Variants in ANAPC10 observed in about 807,000 individuals in gnomAD.
ANAPC10 encodes the protein anaphase promoting complex subunit 10.
Under a neutral mutation model 22.0 loss-of-function variants are expected in ANAPC10, and 12 were observed. The observed-to-expected ratio is 0.55, with a 90% confidence interval of 0.35 to 0.88. ANAPC10 has a LOEUF of 0.88. Ranked by LOEUF, ANAPC10 falls within the 40% of genes least tolerant of loss-of-function variation. ANAPC10 has a pLI of 0.01. For missense variants in ANAPC10, 188 were observed against 220.9 expected (o/e 0.85, Z 0.94); for synonymous variants, 65 against 69.5 (o/e 0.94, Z 0.32).
At chr4:145,081,417 T>C (rs1745999984) in intron 3 of ANAPC10, 2 of 300,700 alleles carry the variant, frequency 6.7e-6, no homozygotes, top group Non-Finnish European at 1.2e-5. Context: ...AAAAGTATAT[T>C]TGAGAAACAT....
At chr4:145,003,280 T>G (rs1732858221) in intron 4 of ANAPC10, among the ~76,000 whole-genome samples, 1 of 152,148 alleles carries the variant, frequency 6.6e-6, no homozygotes, top group African/African-American at 2.4e-5. Flanking sequence ...AAAAATCTAC[T>G]CTACTACTGA....
chr4:145,013,759 T>A (rs1734697377), intron 4 of ANAPC10, among the ~76,000 whole-genome samples: 1 of 151,912 alleles, frequency 6.6e-6, no homozygotes, highest in African/African-American at 2.4e-5. Context: ...AAATACTGAG[T>A]ACCCAAACTG....
rs1741813728 is a variant in ANAPC10, at chr4:145,054,876, C to T, written c.327+9696G>A. On this transcript the variant is annotated intron_variant, in intron 4 of 4. Transcript: ENST00000507656. The stretch of plus-strand genomic sequence containing the variant: ...TCTATTTTATTCATTCTACACCATT[C>T]TGTGTCTTCCCGTATCTTATAGTTG... Among the ~76,000 whole-genome samples, 3 of 152,118 alleles carry T rather than the reference C, an allele frequency of 2.0e-5. No homozygotes were observed. The South Asian group carries it at 6.2e-4, about 31-fold the overall frequency.
At chr4:145,055,222 T>C (rs1741871934) in intron 4 of ANAPC10, among the ~76,000 whole-genome samples, 1 of 151,402 alleles carries the variant, frequency 6.6e-6, no homozygotes, top group Admixed American at 6.6e-5. Context: ...ATAAGCAAAA[T>C]GAAATACATA....
rs114364376 is a variant in ANAPC10, at chr4:145,055,800, T to C, written c.327+8772A>G. Among the ~76,000 whole-genome samples the C allele has an allele frequency of 4.4e-3, 667 of 152,202 alleles. 3 individuals are homozygous for C. The highest frequency in any genetic ancestry group is 0.015 in the African/African-American group (613 of 41,504). Reference sequence around the variant, plus strand: ...GTTATTTAATGACTATGATTTTTGGTTTTGAAAGACAAAAAAGTTCTGGAA... The same window carrying C: ...GTTATTTAATGACTATGATTTTTGGCTTTGAAAGACAAAAAAGTTCTGGAA... On this transcript the variant is annotated intron_variant, in intron 4 of 4. Transcript: ENST00000507656.
intron 4 of ANAPC10, among the ~76,000 whole-genome samples, chr4:145,026,926 T>TACATATATATATAC (rs1174680882): frequency 3.7e-5 from 1 of 26,928 alleles, no homozygotes; most frequent in Non-Finnish European, 6.8e-5. Flanking sequence ...CATACATATA[T>TACATATATATATAC]ATATATATAT....
intron 2 of ANAPC10, among the ~76,000 whole-genome samples, chr4:145,095,190 T>C (rs1579187931): frequency 6.6e-6 from 1 of 152,244 alleles, no homozygotes; most frequent in African/African-American, 2.4e-5. Flanking sequence ...TGTACAGTAG[T>C]ATCTTTATCT....
intron 4 of ANAPC10, among the ~76,000 whole-genome samples, chr4:145,030,388 A>G (rs938091009): frequency 1.4e-4 from 21 of 152,210 alleles, no homozygotes; most frequent in Non-Finnish European, 3.1e-4. Context: ...TCCTTCCCCA[A>G]GAAGACCTCT....
At chr4:145,071,633 C>G (rs971177485) in intron 3 of ANAPC10, among the ~76,000 whole-genome samples, 1 of 152,044 alleles carries the variant, frequency 6.6e-6, no homozygotes, top group African/African-American at 2.4e-5. Context: ...TCTCAAGAAA[C>G]TGGGAAAAGG....
At chr4:145,024,448 G>A (rs932167742) in intron 4 of ANAPC10, among the ~76,000 whole-genome samples, 5 of 152,178 alleles carry the variant, frequency 3.3e-5, no homozygotes, top group African/African-American at 1.2e-4. Flanking sequence ...AGAATTGAAA[G>A]TTAAAATAAC....
chr4:145,036,947 A>G (rs1440528375), intron 4 of ANAPC10, among the ~76,000 whole-genome samples: 1 of 151,892 alleles, frequency 6.6e-6, no homozygotes, highest in African/African-American at 2.4e-5. Flanking sequence ...GGTTTGTGAC[A>G]GGAACTGAGA....
At chr4:145,054,652 C>CGT (rs1162223999) in intron 4 of ANAPC10, among the ~76,000 whole-genome samples, 21 of 143,774 alleles carry the variant, frequency 1.5e-4, no homozygotes, top group South Asian at 6.6e-4. Flanking sequence ...CGCGCGCGCG[C>CGT]GCGTGCGTGC....
chr4:145,067,921 T>A (rs1212347034), intron 3 of ANAPC10, among the ~76,000 whole-genome samples: 1 of 152,230 alleles, frequency 6.6e-6, no homozygotes, highest in African/African-American at 2.4e-5. Context: ...AAAGAAAGTT[T>A]CTTTAAAAGA....
At chr4:145,015,977 GA>G (rs1461846194) in intron 4 of ANAPC10, among the ~76,000 whole-genome samples, 2 of 152,044 alleles carry the variant, frequency 1.3e-5, no homozygotes, top group African/African-American at 4.8e-5. Flanking sequence ...CATCAAAACA[GA>G]ACCTCTTTAA....
At chr4:145,094,723 A>G (rs928251915) in intron 2 of ANAPC10, among the ~76,000 whole-genome samples, 13 of 152,144 alleles carry the variant, frequency 8.5e-5, no homozygotes, top group Non-Finnish European at 1.9e-4. Context: ...GTGAGAAAAG[A>G]TATCTGGCAA....
chr4:145,086,252 C>T (rs1746878948), intron 2 of ANAPC10, among the ~76,000 whole-genome samples: 1 of 152,066 alleles, frequency 6.6e-6, no homozygotes, highest in South Asian at 2.1e-4. Context: ...CATGAGCCAC[C>T]GTGTCCGGCC....
Position 144,995,612 on chromosome 4 carries a change from G to C in ANAPC10, c.328-9C>G. 6.4e-7 allele frequency: 1 copy of C among 1,566,578 alleles called. No homozygotes were observed. The highest frequency in any genetic ancestry group is 8.7e-7 in the Non-Finnish European group (1 of 1,152,710). Reference sequence around the variant, plus strand: ...TCCACCAACTCAAGTTGCTGCCAAGGGAAAAAAAATCAGATTATGCTTTTA... The same window carrying C: ...TCCACCAACTCAAGTTGCTGCCAAGCGAAAAAAAATCAGATTATGCTTTTA... On this transcript the variant is annotated splice_polypyrimidine_tract_variant and intron_variant, in intron 4 of 4. Coordinates refer to ENST00000507656, the MANE Select transcript of ANAPC10 (RefSeq NM_001256706.2).
At chr4:145,063,945 A>G (rs1743283072) in intron 4 of ANAPC10, 1 of 152,086 alleles carries the variant, frequency 6.6e-6, no homozygotes, top group South Asian at 2.1e-4. Context: ...ATCAATCAAT[A>G]AAATCAGTAT....
At chr4:145,060,172 G>C (rs1054455203) in intron 4 of ANAPC10, among the ~76,000 whole-genome samples, 12 of 152,124 alleles carry the variant, frequency 7.9e-5, no homozygotes, top group African/African-American at 2.6e-4. Context: ...ATGTGGAATA[G>C]GATATTTTGA....
Sources: allele counts gnomAD v4.1 joint callset (sites outside exome capture counted in the v4.1 genomes callset), GRCh38; gene constraint gnomAD v4.1.1; transcripts MANE v1.5; gene names NCBI Gene and HGNC (gene_info 2026-07-23, HGNC 2026-07-21).